The following VTI1A variants were observed in gnomAD, a reference collection of about 807,000 sequenced individuals.
The protein encoded by VTI1A is vesicle transport through interaction with t-SNAREs 1A.
A neutral mutation model predicts 34.9 loss-of-function variants in VTI1A; 22 were observed. The ratio of observed to expected loss-of-function variants is 0.63; its 90% confidence interval spans 0.45 to 0.90. The LOEUF (loss-of-function observed/expected upper bound fraction) is 0.90, where lower values mean the gene tolerates loss of function less well. Ranked by LOEUF, VTI1A falls within the 40% of genes least tolerant of loss-of-function variation. The probability of loss-of-function intolerance (pLI) is 0.00; values close to 1 mark genes in which losing one functional copy is unlikely to be tolerated. For missense variants in VTI1A, 268 were observed against 275.6 expected (o/e 0.97, Z 0.20); for synonymous variants, 87 against 97.3 (o/e 0.89, Z 0.62).
intron 5 of VTI1A, among the ~76,000 whole-genome samples, chr10:112,556,576 C>T (rs984452957): frequency 2.0e-5 from 3 of 151,858 alleles, no homozygotes; most frequent in African/African-American, 7.2e-5. Flanking sequence ...ATTATGTTAC[C>T]ATTTTGGCAA....
intron 5 of VTI1A, among the ~76,000 whole-genome samples, chr10:112,574,051 A>C (rs1250744712): frequency 6.6e-6 from 1 of 152,192 alleles, no homozygotes; most frequent in Non-Finnish European, 1.5e-5. Flanking sequence ...ATATTGTTTA[A>C]ATTCCATTTT....
intron 4 of VTI1A, among the ~76,000 whole-genome samples, chr10:112,531,776 A>G (rs1316417741): frequency 6.6e-6 from 1 of 152,192 alleles, no homozygotes; most frequent in Non-Finnish European, 1.5e-5. Flanking sequence ...TCGCTGGCCG[A>G]TCAATTCCCA....
intron 5 of VTI1A, among the ~76,000 whole-genome samples, chr10:112,621,896 C>G (rs1845751269): frequency 6.6e-6 from 1 of 152,176 alleles, no homozygotes; most frequent in Non-Finnish European, 1.5e-5. Context: ...GCAAGGTACT[C>G]TTAGTAGTTG....
chr10:112,456,544 C>G (rs1847533502), intron 1 of VTI1A, among the ~76,000 whole-genome samples: 1 of 152,012 alleles, frequency 6.6e-6, no homozygotes, highest in Non-Finnish European at 1.5e-5. Flanking sequence ...CAGGACCTCG[C>G]CTAGAAGGAT....
rs1296849590 is a variant in VTI1A, at chr10:112,736,105, G to GTATATA, written c.560+67108_560+67109insATATAT. On this transcript the variant is annotated intron_variant, in intron 7 of 7. Coordinates refer to ENST00000393077, the MANE Select transcript of VTI1A (RefSeq NM_145206.4). Reference sequence around the variant, plus strand: ...TATAGTATATTTTACATATATATGTGTGTGTGTATATATATATATATATAT... The same window carrying GTATATA: ...TATAGTATATTTTACATATATATGTGTATATATGTGTGTATATATATATATATATAT... Among the ~76,000 whole-genome samples the GTATATA allele has an allele frequency of 5.5e-3, 499 of 90,188 alleles. 7 individuals carry two copies. The highest frequency in any genetic ancestry group is 0.034 in the African/African-American group (455 of 13,342). The allele number at this position is 90,188 out of a possible 152,430, so 59.2% of individuals were successfully genotyped here. A position where few individuals can be genotyped will look rare whatever the true frequency, so the allele number is the denominator to read the frequency against.
At chr10:112,731,423 A>G (rs1389477709) in intron 7 of VTI1A, among the ~76,000 whole-genome samples, 2 of 152,096 alleles carry the variant, frequency 1.3e-5, no homozygotes, top group Non-Finnish European at 2.9e-5. Flanking sequence ...AAATACAAAA[A>G]AATTAGCCAG....
intron 7 of VTI1A, among the ~76,000 whole-genome samples, chr10:112,713,076 A>C (rs975172514): frequency 6.6e-6 from 1 of 151,986 alleles, no homozygotes; most frequent in Non-Finnish European, 1.5e-5. Context: ...CATGGCCATC[A>C]AGGCTGCCCA....
chr10:112,544,357 G>A (rs559151507), intron 5 of VTI1A, among the ~76,000 whole-genome samples: 1 of 152,248 alleles, frequency 6.6e-6, no homozygotes, highest in Admixed American at 6.5e-5. Flanking sequence ...AGCCTCCCGA[G>A]TAGCTGGGAT....
intron 7 of VTI1A, chr10:112,672,823 T>A (rs958388431): frequency 6.6e-6 from 1 of 152,224 alleles, no homozygotes; most frequent in African/African-American, 2.4e-5. Flanking sequence ...AAAGAAATCA[T>A]GATTCTATTT....
chr10:112,710,617 A>AT (rs1420263887), intron 7 of VTI1A, among the ~76,000 whole-genome samples: 1 of 152,174 alleles, frequency 6.6e-6, no homozygotes, highest in Non-Finnish European at 1.5e-5. Context: ...ACTTGTTTAT[A>AT]TTTTTTAAGC....
At chr10:112,469,459 T>C (rs552962929) in intron 3 of VTI1A, among the ~76,000 whole-genome samples, 1 of 152,346 alleles carries the variant, frequency 6.6e-6, no homozygotes, top group South Asian at 2.1e-4. Context: ...TCTGTGGACA[T>C]GATATTGCTC....
chr10:112,578,568 T>G (rs78215172), intron 5 of VTI1A, among the ~76,000 whole-genome samples: 1,660 of 152,338 alleles, frequency 0.011, 12 homozygotes, highest in Non-Finnish European at 0.019. Flanking sequence ...ACATAAATCA[T>G]TCTTGAACTG....
chr10:112,619,726 C>T (rs1191166020), intron 5 of VTI1A, among the ~76,000 whole-genome samples: 1 of 152,114 alleles, frequency 6.6e-6, no homozygotes, highest in Non-Finnish European at 1.5e-5. Context: ...CTTTAATTAA[C>T]TTCCTTCCTT....
intron 5 of VTI1A, among the ~76,000 whole-genome samples, chr10:112,617,823 T>C (rs1226796267): frequency 1.3e-5 from 2 of 152,152 alleles, no homozygotes. Context: ...CATTTACAAC[T>C]ACAAAGTAGA....
intron 3 of VTI1A, among the ~76,000 whole-genome samples, chr10:112,485,679 G>A (rs1437019191): frequency 6.6e-6 from 1 of 152,232 alleles, no homozygotes; most frequent in African/African-American, 2.4e-5. Context: ...TACACATGCT[G>A]ATAGAAAGCC....
chr10:112,766,677 G>T (rs187800713), intron 7 of VTI1A, among the ~76,000 whole-genome samples: 89 of 152,320 alleles, frequency 5.8e-4, no homozygotes, highest in Admixed American at 1.2e-3. Context: ...TCTCCCATTG[G>T]ATTCCTACCA....
intron 7 of VTI1A, among the ~76,000 whole-genome samples, chr10:112,701,484 C>G (rs1388532956): frequency 6.6e-6 from 1 of 152,158 alleles, no homozygotes; most frequent in Non-Finnish European, 1.5e-5. Flanking sequence ...TATAAAGCCT[C>G]GTGTTGGTTT....
At chr10:112,499,682 C>T (rs1245183777) in intron 3 of VTI1A, among the ~76,000 whole-genome samples, 1 of 152,212 alleles carries the variant, frequency 6.6e-6, no homozygotes, top group Admixed American at 6.5e-5. Context: ...CTTCTTCCCG[C>T]ATTTATTATG....
chr10:112,842,615 C>A, the VTI1A span, among the ~76,000 whole-genome samples: 1 of 152,190 alleles, frequency 6.6e-6, no homozygotes, highest in Non-Finnish European at 1.5e-5. Flanking sequence ...TATAAAGGTC[C>A]TTCAGCTCCA....
Sources: gnomAD v4.1 joint callset for allele counts (sites outside exome capture counted in the v4.1 genomes callset) on GRCh38, gnomAD v4.1.1 for gene constraint, MANE v1.5 for transcripts, NCBI Gene and HGNC (gene_info 2026-07-23, HGNC 2026-07-21) for gene names.